Variants in ORC4 observed in about 807,000 individuals in gnomAD.
The protein encoded by ORC4 is origin recognition complex, subunit 4 homolog.
In ORC4, 55 loss-of-function variants were observed where a neutral mutation model predicts 63.9. The ratio of observed to expected loss-of-function variants is 0.86; its 90% CI spans 0.69 to 1.08. The LOEUF (loss-of-function observed/expected upper bound fraction) is 1.08. Ranked by LOEUF, ORC4 falls within the 50% of genes least tolerant of loss-of-function variation. The pLI is 0.00. For missense variants in ORC4, 511 were observed against 504.4 expected, an observed-to-expected ratio of 1.01 and a Z score of -0.13; for synonymous variants, 150 against 168.5, an observed-to-expected ratio of 0.89 and a Z score of 0.85.
intron 3 of ORC4, among the ~76,000 whole-genome samples, chr2:147,973,068 T>C (rs770101716): frequency 2.4e-4 from 36 of 152,274 alleles, no homozygotes; most frequent in Non-Finnish European, 4.7e-4. Flanking sequence ...TATTGATTTA[T>C]ACGATAGTAG....
chr2:148,019,959 T>C (rs754728726), intron 1 of ORC4, among the ~76,000 whole-genome samples: 33 of 151,930 alleles, frequency 2.2e-4, no homozygotes, highest in Non-Finnish European at 3.8e-4. Flanking sequence ...ACAGTCCTTT[T>C]AAAACTCTCA....
chr2:147,935,262 G>A lies in ORC4; in HGVS notation c.*248C>T, dbSNP rs535402993. 7.9e-6 allele frequency: 4 copies of A among 506,598 alleles called. No homozygotes were observed. The highest frequency in any genetic ancestry group is 3.9e-5 in the African/African-American group (2 of 51,808). 31.4% of individuals were successfully genotyped at this position (506,598 alleles called of 1,614,324 possible). The stretch of plus-strand genomic sequence containing the variant: ...AAGTGTTAAAAAAGCACATGGTCTA[G>A]TCCCTAAAACAGTCATATTTTATTC... On this transcript the variant is annotated 3_prime_UTR_variant, in exon 14 of 14. Coordinates refer to ENST00000392857, the MANE Select transcript of ORC4 (RefSeq NM_181741.4).
intron 2 of ORC4, 108 bp downstream of exon 2, chr2:147,975,794 T>C: frequency 1.3e-6 from 1 of 761,442 alleles, no homozygotes; most frequent in Non-Finnish European, 2.4e-6. Flanking sequence ...TTAGAAAGAG[T>C]GATTCTTCCT....
intron 1 of ORC4, among the ~76,000 whole-genome samples, chr2:147,999,994 A>G (rs184096874): frequency 4.6e-5 from 7 of 151,998 alleles, no homozygotes; most frequent in Admixed American, 4.6e-4. Context: ...TTGGAAATTA[A>G]AAGTATGATA....
chr2:147,942,417 T>C (rs558253264), intron 10 of ORC4, among the ~76,000 whole-genome samples: 4 of 152,196 alleles, frequency 2.6e-5, no homozygotes, highest in African/African-American at 9.6e-5. Context: ...CATAACCAGG[T>C]AGGATTTATT....
At chr2:147,959,912 A>G (rs906030259) in intron 4 of ORC4, among the ~76,000 whole-genome samples, 1 of 152,178 alleles carries the variant, frequency 6.6e-6, no homozygotes, top group Admixed American at 6.5e-5. Context: ...TCACCTCTGG[A>G]TCAGGTCAGA....
At chr2:147,950,065 A>G (rs1688869576) in intron 8 of ORC4, among the ~76,000 whole-genome samples, 1 of 152,168 alleles carries the variant, frequency 6.6e-6, no homozygotes, top group South Asian at 2.1e-4. Context: ...GGGAGGGTGA[A>G]TAAAAAATTT....
At chr2:147,955,692 A>C (rs1689208334) in intron 6 of ORC4, among the ~76,000 whole-genome samples, 1 of 152,024 alleles carries the variant, frequency 6.6e-6, no homozygotes, top group Non-Finnish European at 1.5e-5. Context: ...ATTTTCCGGA[A>C]AAAATCTGAA....
chr2:147,943,461 T>C lies in ORC4; in HGVS notation c.824A>G (p.Asn275Ser), dbSNP rs1379551872. The C allele has an allele frequency of 6.2e-7, 1 of 1,604,506 alleles. No individual in the cohort carries two copies. Among genetic ancestry groups the C allele is most frequent in the Non-Finnish European group, 8.5e-7 (1 of 1,172,164 alleles). The stretch of plus-strand genomic sequence containing the variant: ...CAATAGCATGTGTAATGACCGCAGG[T>C]TTTTGCTGATATTGAAATGCTTCTG... ...VLQKHFNISK[N>S]LRSLHMLLML... Residue 275 changes from asparagine (N) to serine (S), a missense_variant, in exon 10 of 14, where the codon AAC becomes AGC. Asn to Ser is a conservative substitution (Grantham distance 46, BLOSUM62 1). Coordinates refer to ENST00000392857, the MANE Select transcript of ORC4 (RefSeq NM_181741.4).
intron 11 of ORC4, 87 bp downstream of exon 11, chr2:147,939,053 C>T: frequency 2.5e-6 from 2 of 810,682 alleles, no homozygotes; most frequent in Non-Finnish European, 4.3e-6. Context: ...GCATTATGCC[C>T]ACGTTAATTG....
intron 1 of ORC4, among the ~76,000 whole-genome samples, chr2:147,976,238 C>A (rs1690547080): frequency 6.6e-6 from 1 of 152,000 alleles, no homozygotes; most frequent in Non-Finnish European, 1.5e-5. Context: ...AGGTTTGTAG[C>A]AACTCTGTGT....
intron 1 of ORC4, among the ~76,000 whole-genome samples, chr2:148,007,786 T>G (rs1273887092): frequency 1.3e-5 from 2 of 151,950 alleles, no homozygotes; most frequent in African/African-American, 2.4e-5. Flanking sequence ...AATTAAAGTC[T>G]CAAAAGTAAA....
At chr2:147,988,987 T>C (rs188693128) in intron 1 of ORC4, among the ~76,000 whole-genome samples, 118 of 152,332 alleles carry the variant, frequency 7.7e-4, no homozygotes, top group African/African-American at 2.8e-3. Flanking sequence ...TAACTTTTTA[T>C]TCTATTCACA....
chr2:147,969,989 G>C (rs886583351), intron 4 of ORC4, among the ~76,000 whole-genome samples: 1 of 151,902 alleles, frequency 6.6e-6, no homozygotes, highest in African/African-American at 2.4e-5. Flanking sequence ...AAAACTAATG[G>C]AATTGAGAAG....
At chr2:147,992,557 G>C (rs1345991145) in intron 1 of ORC4, among the ~76,000 whole-genome samples, 1 of 152,136 alleles carries the variant, frequency 6.6e-6, no homozygotes, top group African/African-American at 2.4e-5. Context: ...ATAAATTACA[G>C]AACTGTACTT....
chr2:148,004,048 A>C (rs1211399854), intron 1 of ORC4, among the ~76,000 whole-genome samples: 6 of 152,154 alleles, frequency 3.9e-5, no homozygotes, highest in African/African-American at 1.4e-4. Flanking sequence ...AATACAACTT[A>C]TAAGGGATGT....
At chr2:147,979,819 C>G (rs768438927) in intron 1 of ORC4, among the ~76,000 whole-genome samples, 1 of 152,084 alleles carries the variant, frequency 6.6e-6, no homozygotes, top group Non-Finnish European at 1.5e-5. Context: ...GAACACACAA[C>G]GGAGTAAGGA....
At chr2:147,969,546 A>G (rs144957088) in intron 4 of ORC4, among the ~76,000 whole-genome samples, 1 of 152,166 alleles carries the variant, frequency 6.6e-6, no homozygotes, top group African/African-American at 2.4e-5. Context: ...CTGAAATGCA[A>G]TATCAGATTA....
intron 4 of ORC4, among the ~76,000 whole-genome samples, chr2:147,963,254 G>A (rs917396760): frequency 2.6e-5 from 4 of 152,166 alleles, no homozygotes; most frequent in Non-Finnish European, 5.9e-5. Flanking sequence ...AATCAGCCCT[G>A]AGGGTTGCCT....
Sources: gnomAD v4.1 joint callset for allele counts (sites outside exome capture counted in the v4.1 genomes callset) on GRCh38, gnomAD v4.1.1 for gene constraint, MANE v1.5 for transcripts, NCBI Gene and HGNC (gene_info 2026-07-23, HGNC 2026-07-21) for gene names.